SCLT1: variants seen among roughly 807,000 people sequenced by gnomAD.
SCLT1 encodes sodium channel and clathrin linker 1.
Under a neutral mutation model 112.8 loss-of-function variants are expected in SCLT1, and 78 were observed. The observed-to-expected ratio is 0.69, with a 90% confidence interval of 0.58 to 0.83. The LOEUF (loss-of-function observed/expected upper bound fraction) is 0.83. Ranked by LOEUF, SCLT1 falls within the 40% of genes least tolerant of loss-of-function variation. The pLI is 0.00. For missense variants in SCLT1, 747 were observed against 770.4 expected (o/e 0.97, Z 0.36); for synonymous variants, 257 against 254.7 (o/e 1.01, Z -0.09).
At chr4:128,981,770 T>C (rs748789493) in intron 9 of SCLT1, among the ~76,000 whole-genome samples, 4 of 151,572 alleles carry the variant, frequency 2.6e-5, no homozygotes, top group Non-Finnish European at 4.4e-5. Context: ...GAAAAAAATG[T>C]TGTGACAGAT....
chr4:128,905,850 C>T (rs1348328625), intron 18 of SCLT1, among the ~76,000 whole-genome samples: 4 of 152,052 alleles, frequency 2.6e-5, no homozygotes, highest in South Asian at 4.2e-4. Context: ...CTAACTCCTA[C>T]CTCCATTCCA....
chr4:129,073,212 G>T (rs902196889), intron 2 of SCLT1, among the ~76,000 whole-genome samples: 1 of 152,114 alleles, frequency 6.6e-6, no homozygotes, highest in African/African-American at 2.4e-5. Flanking sequence ...CCTGGGTCCT[G>T]CAATCTGCTT....
chr4:128,942,847 A>T (rs888342270), intron 17 of SCLT1, 149 bp downstream of exon 17: 1 of 511,216 alleles, frequency 2.0e-6, no homozygotes, highest in African/African-American at 2.0e-5. Context: ...CACAGAAATG[A>T]TTGGTTAACA....
intron 18 of SCLT1, among the ~76,000 whole-genome samples, chr4:128,926,094 C>CT (rs1047257082): frequency 3.3e-5 from 5 of 151,562 alleles, no homozygotes; most frequent in Admixed American, 2.0e-4. Context: ...TTTTGTTTTT[C>CT]TTTTTTTCTG....
intron 18 of SCLT1, among the ~76,000 whole-genome samples, chr4:128,895,941 T>C (rs557482653): frequency 2.0e-5 from 3 of 152,332 alleles, no homozygotes; most frequent in Non-Finnish European, 1.5e-5. Context: ...CGCTCATTGC[T>C]AGCACAGCAG....
intron 11 of SCLT1, among the ~76,000 whole-genome samples, chr4:128,964,035 C>A (rs1194959140): frequency 1.3e-5 from 2 of 152,048 alleles, no homozygotes; most frequent in Non-Finnish European, 2.9e-5. Context: ...ATTCTCCCTA[C>A]CTAAAATAAA....
chr4:128,985,931 C>G (rs922865799), intron 9 of SCLT1, among the ~76,000 whole-genome samples: 3 of 152,106 alleles, frequency 2.0e-5, no homozygotes, highest in African/African-American at 7.2e-5. Context: ...AGCAAGATGG[C>G]TGAGTAGAAC....
intron 1 of SCLT1, among the ~76,000 whole-genome samples, chr4:129,088,376 C>A (rs1169539509): frequency 6.6e-6 from 1 of 152,140 alleles, no homozygotes; most frequent in South Asian, 2.1e-4. Context: ...ACATTCTCAA[C>A]ATAAGAACGT....
chr4:128,930,000 A>G (rs6856863), intron 18 of SCLT1, among the ~76,000 whole-genome samples: 110,233 of 152,082 alleles, frequency 0.72, 40,253 homozygotes, highest in African/African-American at 0.81. Context: ...AGTAAAATAC[A>G]CAGATTTGGT....
At chr4:128,942,675 GAGA>G in intron 17 of SCLT1, among the ~76,000 whole-genome samples, 1 of 152,256 alleles carries the variant, frequency 6.6e-6, no homozygotes, top group South Asian at 2.1e-4. Flanking sequence ...ACTACAGAGA[GAGA>G]AGAGAGGAAG....
intron 18 of SCLT1, among the ~76,000 whole-genome samples, chr4:128,892,685 G>A (rs909565865): frequency 6.6e-6 from 1 of 152,048 alleles, no homozygotes; most frequent in African/African-American, 2.4e-5. Context: ...CTGAACATTC[G>A]TTACAGGCCA....
intron 18 of SCLT1, among the ~76,000 whole-genome samples, chr4:128,918,655 A>G (rs1031735351): frequency 6.6e-6 from 1 of 152,194 alleles, no homozygotes; most frequent in African/African-American, 2.4e-5. Flanking sequence ...TGGATGAAGA[A>G]GCAAGACCCA....
chr4:129,003,774 TCTGA>T lies in SCLT1; in HGVS notation c.389_392del (p.Val130GlufsTer9), dbSNP rs1227463735. ...CTAGCTGCAATTGTTCTTGAAGGTT[TCTGA>T]CTGTTTCATCATCTGCATATATGTC... On this transcript the variant is annotated frameshift_variant, in exon 6 of 21. Transcript: ENST00000281142. LOFTEE classifies it high-confidence loss of function. 3.1e-6 allele frequency: 5 copies of T among 1,610,844 alleles called. No individual in the cohort carries two copies. The highest frequency in any genetic ancestry group is 3.4e-6 in the Non-Finnish European group (4 of 1,178,770).
At position 128,891,752 on chromosome 4, in the gene SCLT1, C is replaced by T. The variant is rs1279456044; in HGVS notation, c.1830-615G>A. 2.0e-5 allele frequency among the ~76,000 whole-genome samples: 3 copies of T among 148,322 alleles called. No homozygotes were observed. The Admixed American group carries it at 2.1e-4, about 10-fold the overall frequency. ...CTCTGCCTCCCAGGGTCAAGTGATT[C>T]TCATGCCTCAACCTCCCGAGTAGCT... On this transcript the variant is annotated intron_variant, in intron 18 of 20. Coordinates refer to ENST00000281142, the MANE Select transcript of SCLT1 (RefSeq NM_144643.4).
chr4:129,037,497 ATG>A (rs1414759473), intron 5 of SCLT1: 7 of 152,174 alleles, frequency 4.6e-5, no homozygotes, highest in African/African-American at 1.7e-4. Context: ...TCAATATCCT[ATG>A]ACCCTTTTTC....
chr4:128,959,681 T>C lies in SCLT1; in HGVS notation c.966A>G (p.Leu322=), dbSNP rs1322751157. ...CAATAGCCTCATATCTCTCATTTTC[T>C]AATTCATTGCACTTTGCTTGTAGCT... ...TRELQAKCNE[L]ENERYEAIVR... The change falls in exon 12 of 21, where the codon TTA becomes TTG. Residue 322 remains leucine, a synonymous_variant. Transcript: ENST00000281142. The C allele has an allele frequency of 6.2e-7, 1 of 1,613,404 alleles. No individual in the cohort carries two copies. The highest frequency in any genetic ancestry group is 2.2e-5 in the East Asian group (1 of 44,816).
chr4:128,963,764 T>TA (rs2126021079), intron 11 of SCLT1, among the ~76,000 whole-genome samples: 1 of 152,354 alleles, frequency 6.6e-6, no homozygotes, highest in Non-Finnish European at 1.5e-5. Flanking sequence ...TCAAGGACCA[T>TA]ACTTGTTTTC....
At chr4:128,937,822 C>A (rs1030994906) in intron 17 of SCLT1, among the ~76,000 whole-genome samples, 1 of 152,276 alleles carries the variant, frequency 6.6e-6, no homozygotes, top group African/African-American at 2.4e-5. Context: ...TTTGGATACC[C>A]TAGAAGCTTT....
At chr4:129,024,630 A>G (rs1369208222) in intron 5 of SCLT1, among the ~76,000 whole-genome samples, 2 of 152,228 alleles carry the variant, frequency 1.3e-5, no homozygotes, top group Non-Finnish European at 2.9e-5. Context: ...GAAACTCTAA[A>G]AAGCAGAGCG....
Sources: gnomAD v4.1 joint callset for allele counts (sites outside exome capture counted in the v4.1 genomes callset) on GRCh38, gnomAD v4.1.1 for gene constraint, MANE v1.5 for transcripts, NCBI Gene and HGNC (gene_info 2026-07-23, HGNC 2026-07-21) for gene names.